LINGO2: variants seen among roughly 807,000 people sequenced by gnomAD.
LINGO2 encodes the protein leucine rich repeat and Ig domain containing 2, also known as leucine-rich repeat and immunoglobulin-like domain-containing nogo receptor-interacting protein 2.
Under a neutral mutation model 30.6 loss-of-function variants are expected in LINGO2, and 14 were observed. The ratio of observed to expected loss-of-function variants is 0.46; its 90% confidence interval spans 0.30 to 0.72. LINGO2 has a LOEUF of 0.72. Ranked by LOEUF, LINGO2 falls within the 30% of genes least tolerant of loss-of-function variation. LINGO2 has a pLI of 0.07. For missense variants in LINGO2, 729 were observed against 751.7 expected (o/e 0.97, Z 0.35); for synonymous variants, 317 against 288.5 (o/e 1.10, Z -1.00).
chr9:28,736,633 A>G, the LINGO2 span, among the ~76,000 whole-genome samples: 1 of 152,058 alleles, frequency 6.6e-6, no homozygotes, highest in African/African-American at 2.4e-5. Context: ...TCTACCAAAA[A>G]TACAAAAAAT....
chr9:28,683,513 A>G, the LINGO2 span, among the ~76,000 whole-genome samples: 7,798 of 152,220 alleles, frequency 0.051, 381 homozygotes, highest in Admixed American at 0.18. Flanking sequence ...GCCACCGAGC[A>G]ATTAGATACA....
intron 1 of LINGO2, among the ~76,000 whole-genome samples, chr9:28,607,630 C>G (rs1052573277): frequency 1.3e-5 from 2 of 151,914 alleles, no homozygotes; most frequent in African/African-American, 4.8e-5. Context: ...TTCACGTGAT[C>G]AGAAAGATGA....
chr9:29,122,776 A>G, the LINGO2 span, among the ~76,000 whole-genome samples: 2 of 152,106 alleles, frequency 1.3e-5, no homozygotes, highest in Non-Finnish European at 2.9e-5. Flanking sequence ...ATCTCTGTCC[A>G]TATACTATGA....
chr9:28,896,747 A>G, the LINGO2 span, among the ~76,000 whole-genome samples: 1 of 152,268 alleles, frequency 6.6e-6, no homozygotes, highest in Admixed American at 6.5e-5. Flanking sequence ...ATATGTATTC[A>G]TATGATACTT....
At chr9:28,005,635 C>T (rs539820755) in intron 5 of LINGO2, among the ~76,000 whole-genome samples, 1 of 152,010 alleles carries the variant, frequency 6.6e-6, no homozygotes, top group African/African-American at 2.4e-5. Context: ...GGGCTGTAGG[C>T]TTGCTTGAGT....
chr9:28,476,339 A>G (rs1013697653), intron 1 of LINGO2, among the ~76,000 whole-genome samples: 1 of 152,144 alleles, frequency 6.6e-6, no homozygotes, highest in Admixed American at 6.5e-5. Flanking sequence ...GCAGTGACAC[A>G]ATGTCTGCTC....
Position 28,148,364 on chromosome 9 carries a change from A to C in LINGO2, c.-86-135959T>G. The C allele has an allele frequency of 9.4e-7, 1 of 1,063,618 alleles. No homozygotes were observed. The highest frequency in any genetic ancestry group is 1.4e-6 in the Non-Finnish European group (1 of 715,958). 65.9% of individuals were successfully genotyped at this position (1,063,618 alleles called of 1,614,324 possible). On this transcript the variant is annotated intron_variant, in intron 4 of 5. Coordinates refer to ENST00000379992, the Ensembl canonical transcript of LINGO2. The surrounding 1 kb of genome is among the most constrained non-coding windows in gnomAD (Gnocchi z 5.1). The stretch of plus-strand genomic sequence containing the variant: ...CAGCCCCGTGAGGATTCCTCATCTC[A>C]GAGGCAAGTTTAACCTTCAACTTCC...
rs189381049 is a variant in LINGO2 at position 28,401,495 on chromosome 9, C to T, written c.-278-28627G>A. Among the ~76,000 whole-genome samples, 432 of 152,240 alleles carry T rather than the reference C, an allele frequency of 2.8e-3. 5 individuals carry two copies. Among genetic ancestry groups the T allele is most frequent in the African/African-American group, 9.9e-3 (413 of 41,538 alleles). On this transcript the variant is annotated intron_variant, in intron 2 of 5. Transcript: ENST00000379992. Reference sequence around the variant, plus strand: ...TCCTTTTTATGGCTGCAGAGTATTCCATGGTATATATGTACCAAATTTTTT... The same window carrying T: ...TCCTTTTTATGGCTGCAGAGTATTCTATGGTATATATGTACCAAATTTTTT...
upstream of LINGO2, among the ~76,000 whole-genome samples, chr9:28,672,074 T>C (rs1169139660): frequency 3.3e-5 from 5 of 152,088 alleles, no homozygotes; most frequent in East Asian, 9.7e-4. Context: ...TTCAGTAGAG[T>C]GAATAACATG....
intron 4 of LINGO2, among the ~76,000 whole-genome samples, chr9:28,189,587 G>A (rs865777462): frequency 0.055 from 1,085 of 19,550 alleles, 225 homozygotes; most frequent in Middle Eastern, 0.17. Flanking sequence ...AAGGGAGGGA[G>A]GAAGGAAGGA....
intron 4 of LINGO2, among the ~76,000 whole-genome samples, chr9:28,282,995 G>A (rs1348944853): frequency 6.6e-6 from 1 of 152,076 alleles, no homozygotes; most frequent in East Asian, 1.9e-4. Context: ...CCATACTCAG[G>A]AACAGTCCTT....
intron 2 of LINGO2, among the ~76,000 whole-genome samples, chr9:28,444,341 C>A (rs1470029324): frequency 6.6e-6 from 1 of 152,240 alleles, no homozygotes; most frequent in East Asian, 1.9e-4. Flanking sequence ...CACTATAGCC[C>A]TCCTGTTCTC....
intron 4 of LINGO2, among the ~76,000 whole-genome samples, chr9:28,103,662 A>T (rs2133323858): frequency 6.6e-6 from 1 of 152,298 alleles, no homozygotes; most frequent in Non-Finnish European, 1.5e-5. Flanking sequence ...CCTAATCAAG[A>T]TTGCTGACCA....
chr9:28,843,709 T>C, the LINGO2 span, among the ~76,000 whole-genome samples: 3 of 151,798 alleles, frequency 2.0e-5, no homozygotes, highest in South Asian at 2.1e-4. Flanking sequence ...TCTCAGTAAA[T>C]AGTGTGTTGT....
At chr9:27,959,156 G>A (rs975683264) in intron 5 of LINGO2, among the ~76,000 whole-genome samples, 1 of 152,002 alleles carries the variant, frequency 6.6e-6, no homozygotes, top group African/African-American at 2.4e-5. Context: ...AGTGAGTTGT[G>A]CCTTTCTTTT....
intron 3 of LINGO2, among the ~76,000 whole-genome samples, chr9:28,316,138 A>C (rs1361904159): frequency 6.6e-6 from 1 of 152,074 alleles, no homozygotes; most frequent in East Asian, 1.9e-4. Context: ...AGCACTTGTC[A>C]TATATTAATA....
chr9:28,051,741 C>A (rs1464087239), intron 4 of LINGO2, among the ~76,000 whole-genome samples: 1 of 152,008 alleles, frequency 6.6e-6, no homozygotes, highest in Non-Finnish European at 1.5e-5. Context: ...CTGCTTCTTT[C>A]CAATAACTCA....
chr9:29,099,525 G>T, the LINGO2 span, among the ~76,000 whole-genome samples: 1 of 152,000 alleles, frequency 6.6e-6, no homozygotes, highest in East Asian at 1.9e-4. Flanking sequence ...GGAGAGCAAA[G>T]AACTCTATAT....
At chr9:28,158,515 T>C (rs1219548712) in intron 4 of LINGO2, among the ~76,000 whole-genome samples, 1 of 152,194 alleles carries the variant, frequency 6.6e-6, no homozygotes, top group Non-Finnish European at 1.5e-5. Flanking sequence ...TAGCCTTTTC[T>C]TTCCTCAGCA....
Sources: allele counts gnomAD v4.1 joint callset (sites outside exome capture counted in the v4.1 genomes callset), GRCh38; gene constraint gnomAD v4.1.1; non-coding constraint Gnocchi (gnomAD v3.1); transcripts MANE v1.5; gene names NCBI Gene and HGNC (gene_info 2026-07-23, HGNC 2026-07-21).